The following NDRG1 variants were observed in gnomAD, a reference collection of about 807,000 sequenced individuals.
NDRG1 encodes the protein N-myc downstream regulated 1.
NDRG1 carries 32 observed loss-of-function variants against 56.9 expected under a neutral mutation model. The ratio of observed to expected loss-of-function variants is 0.56; its 90% CI spans 0.42 to 0.76. The LOEUF (loss-of-function observed/expected upper bound fraction) is 0.76. NDRG1 is among the 30% of genes least tolerant of loss of function. NDRG1 has a pLI of 0.00. For missense variants in NDRG1, 507 were observed against 545.7 expected (o/e 0.93, Z 0.71); for synonymous variants, 211 against 204.1 (o/e 1.03, Z -0.29).
At chr8:133,280,552 T>A (rs954410988) in intron 2 of NDRG1, among the ~76,000 whole-genome samples, 1 of 151,946 alleles carries the variant, frequency 6.6e-6, no homozygotes, top group African/African-American at 2.4e-5. Flanking sequence ...GCCTCCTGAG[T>A]AGCTGGGACT....
chr8:133,244,617 G>A, intron 13 of NDRG1: 1 of 635,554 alleles, frequency 1.6e-6, no homozygotes, highest in Admixed American at 2.3e-5. Flanking sequence ...TACGTGCCAG[G>A]CACTATGCTA....
intron 1 of NDRG1, among the ~76,000 whole-genome samples, chr8:133,287,790 C>T (rs187396527): frequency 1.3e-5 from 2 of 152,224 alleles, no homozygotes; most frequent in East Asian, 1.9e-4. Context: ...ACGCTGCGAC[C>T]AGCAAAAGAA....
chr8:133,262,106 A>G lies in NDRG1; in HGVS notation c.267T>C (p.Phe89=). ...CAGGGGCGTCCACGTGGCAGACGGC[A>G]AAGTGCTGGGTGATCTCCTGCATGT... The part of the protein sequence containing the change: ...YEDMQEITQH[F]AVCHVDAPGQ... The change falls in exon 5 of 16, where the codon TTT becomes TTC. Residue 89 remains phenylalanine (F), a synonymous_variant. Coordinates refer to ENST00000323851, the MANE Select transcript of NDRG1 (RefSeq NM_006096.4). 1 of 1,614,206 alleles carries G rather than the reference A, an allele frequency of 6.2e-7. No homozygotes were observed.
rs1237269517 is a variant in NDRG1 at position 133,244,513 on chromosome 8, A to G, written c.856-123T>C. 2.6e-6 allele frequency: 3 copies of G among 1,139,120 alleles called. No individual in the cohort carries two copies. In the East Asian group the frequency reaches 7.6e-5, roughly 29 times the overall value. The allele number at this position is 1,139,120 out of a possible 1,614,324, so 70.6% of individuals were successfully genotyped here. ...CTGCCCTGCCTTGTCCTGCCTTACAAAGGAGGAACAGGGTGGACCGTGGGT... is the reference window on the plus strand; with the variant it reads ...CTGCCCTGCCTTGTCCTGCCTTACAGAGGAGGAACAGGGTGGACCGTGGGT... On this transcript the variant is annotated intron_variant, in intron 13 of 15. Coordinates refer to ENST00000323851, the MANE Select transcript of NDRG1 (RefSeq NM_006096.4).
chr8:133,243,384 ATC>A (rs1230657015), intron 14 of NDRG1, among the ~76,000 whole-genome samples: 6 of 152,186 alleles, frequency 3.9e-5, no homozygotes, highest in Non-Finnish European at 8.8e-5. Flanking sequence ...ATCATGGGCA[ATC>A]TCTCTCAACT....
At chr8:133,282,357 T>C (rs1390358375) in intron 2 of NDRG1, among the ~76,000 whole-genome samples, 1 of 152,202 alleles carries the variant, frequency 6.6e-6, no homozygotes, top group Non-Finnish European at 1.5e-5. Context: ...GACACATGTG[T>C]TCATATACTG....
At chr8:133,263,604 C>T (rs543908434) in intron 4 of NDRG1, among the ~76,000 whole-genome samples, 43 of 152,254 alleles carry the variant, frequency 2.8e-4, no homozygotes, top group African/African-American at 9.9e-4. Context: ...AGTGAAAATG[C>T]CCCAAATGCC....
chr8:133,258,892 A>G, intron 6 of NDRG1: 1 of 552,168 alleles, frequency 1.8e-6, no homozygotes, highest in Non-Finnish European at 3.2e-6. Flanking sequence ...AAGAGAAGGG[A>G]ATGGAAGAAC....
intron 5 of NDRG1, among the ~76,000 whole-genome samples, chr8:133,260,864 G>A (rs867495483): frequency 1.4e-4 from 22 of 152,128 alleles, no homozygotes; most frequent in African/African-American, 5.3e-4. Flanking sequence ...ACACAGGTCA[G>A]GTGCAGGGAC....
At chr8:133,255,327 A>G (rs1856309146) in intron 8 of NDRG1, 2 of 456,198 alleles carry the variant, frequency 4.4e-6, no homozygotes, top group Admixed American at 2.3e-5. Context: ...CAAGGCCACA[A>G]GGTCAAGGGA....
intron 9 of NDRG1, 128 bp downstream of exon 9, chr8:133,254,411 A>G: frequency 1.2e-6 from 1 of 820,466 alleles, no homozygotes; most frequent in South Asian, 1.7e-5. Flanking sequence ...TTATCTCATG[A>G]GCACCAGCTC....
intron 14 of NDRG1, 127 bp from the exon 15 acceptor site, chr8:133,242,201 TGACAG>T: frequency 1.1e-6 from 1 of 926,582 alleles, no homozygotes. Flanking sequence ...CATCACGTGT[TGACAG>T]GACAAAACAC....
chr8:133,238,732 G>C lies in NDRG1; in HGVS notation c.*146C>G. 9.7e-7 allele frequency: 1 copy of C among 1,028,786 alleles called. No homozygotes were observed. 63.7% of individuals were successfully genotyped at this position (1,028,786 alleles called of 1,614,324 possible). A position where few individuals can be genotyped will look rare whatever the true frequency, so the allele number is the denominator to read the frequency against. On this transcript the variant is annotated 3_prime_UTR_variant, in exon 16 of 16. Coordinates refer to ENST00000323851, the MANE Select transcript of NDRG1 (RefSeq NM_006096.4). ...GGCACCCACGTAATAGACCTCATTTGTCTCCACCAGAGCTCACTCTTACAA... is the reference window on the plus strand; with the variant it reads ...GGCACCCACGTAATAGACCTCATTTCTCTCCACCAGAGCTCACTCTTACAA...
intron 1 of NDRG1, among the ~76,000 whole-genome samples, chr8:133,296,278 G>A (rs1332616820): frequency 4.6e-5 from 7 of 151,974 alleles, no homozygotes; most frequent in African/African-American, 1.5e-4. Context: ...GAGGGTGGGC[G>A]GAGGCGAAAA....
At chr8:133,274,885 A>C (rs148198267) in intron 3 of NDRG1, among the ~76,000 whole-genome samples, 1 of 152,322 alleles carries the variant, frequency 6.6e-6, no homozygotes, top group Admixed American at 6.5e-5. Flanking sequence ...AGGAAGGATG[A>C]TGGTACAGGT....
At chr8:133,249,875 A>C (rs1855914831) in intron 10 of NDRG1, among the ~76,000 whole-genome samples, 1 of 152,252 alleles carries the variant, frequency 6.6e-6, no homozygotes, top group Admixed American at 6.5e-5. Flanking sequence ...GAGCGAGCTC[A>C]GCAGGTTGAG....
chr8:133,294,144 T>G (rs1264670200), intron 1 of NDRG1, among the ~76,000 whole-genome samples: 1 of 152,210 alleles, frequency 6.6e-6, no homozygotes, highest in Non-Finnish European at 1.5e-5. Flanking sequence ...CCTTTTCATT[T>G]GAGCCTGATT....
At chr8:133,279,436 A>C (rs1379801691) in intron 3 of NDRG1, among the ~76,000 whole-genome samples, 3 of 152,222 alleles carry the variant, frequency 2.0e-5, no homozygotes, top group African/African-American at 7.2e-5. Context: ...TTTTGAGGTA[A>C]GGAGGTAGAA....
In NDRG1 at chr8:133,277,042, C is replaced by A. The variant is rs148724494; in HGVS notation, c.99+3190G>T. The stretch of plus-strand genomic sequence containing the variant: ...TGACACCTGCTACAACAGGGATGAA[C>A]CCTGAGGACACGATGCTAACTTATA... On this transcript the variant is annotated intron_variant, in intron 3 of 15. Transcript: ENST00000323851. Among the ~76,000 whole-genome samples the A allele has an allele frequency of 1.3e-4, 20 of 152,264 alleles. 1 individual carries two copies. In the East Asian group the frequency reaches 3.9e-3, roughly 29 times the overall value.
Sources: allele counts gnomAD v4.1 joint callset (sites outside exome capture counted in the v4.1 genomes callset), GRCh38; gene constraint gnomAD v4.1.1; transcripts MANE v1.5; gene names NCBI Gene and HGNC (gene_info 2026-07-23, HGNC 2026-07-21).